The following MAPK6 variants were observed in gnomAD, a reference collection of about 807,000 sequenced individuals.
MAPK6 encodes the protein mitogen-activated protein kinase 6.
A neutral mutation model predicts 59.3 loss-of-function variants in MAPK6; 19 were observed. The ratio of observed to expected loss-of-function variants is 0.32; its 90% CI spans 0.22 to 0.47. The LOEUF (loss-of-function observed/expected upper bound fraction) is 0.47. MAPK6 is among the 20% of genes least tolerant of loss of function. MAPK6 has a pLI of 1.00. For missense variants in MAPK6, 724 were observed against 847.9 expected (o/e 0.85, Z 1.81); for synonymous variants, 316 against 290.3 (o/e 1.09, Z -0.90).
intron 3 of MAPK6, among the ~76,000 whole-genome samples, chr15:52,007,847 CTT>C (rs71425727): frequency 2.9e-5 from 4 of 139,800 alleles, no homozygotes; most frequent in Non-Finnish European, 4.7e-5. Context: ...TATTTCACCT[CTT>C]TTTTTTTTTT....
At chr15:51,972,442 T>C (rs1158714809) in intron 1 of MAPK6, among the ~76,000 whole-genome samples, 2 of 116,616 alleles carry the variant, frequency 1.7e-5, no homozygotes, top group Non-Finnish European at 3.7e-5. Flanking sequence ...TTTACTGTAT[T>C]CTTACTAATA....
chr15:52,060,536 C>T (rs2032159596), intron 4 of MAPK6, among the ~76,000 whole-genome samples: 1 of 152,072 alleles, frequency 6.6e-6, no homozygotes, highest in Non-Finnish European at 1.5e-5. Context: ...TTTGTGTGGC[C>T]AGGGAGCAGA....
Position 52,061,360 on chromosome 15 carries a change from A to C in MAPK6, c.927A>C (p.Glu309Asp). ...CCATGGATCGGTTAACAGCAGAAGA[A>C]GCACTCTCCCATCCTTACATGAGCA... ...FSPMDRLTAE[E>D]ALSHPYMSIY... The change falls in exon 5 of 6, where the codon GAA becomes GAC. Residue 309 changes from glutamate (E) to aspartate (D), a missense_variant. Transcript: ENST00000261845. 6.2e-7 allele frequency: 1 copy of C among 1,614,152 alleles called. No homozygotes were observed. Among genetic ancestry groups the C allele is most frequent in the Non-Finnish European group, 8.5e-7 (1 of 1,179,988 alleles).
intron 1 of MAPK6, among the ~76,000 whole-genome samples, chr15:52,025,218 G>A (rs1157848531): frequency 6.6e-6 from 1 of 152,076 alleles, no homozygotes; most frequent in Non-Finnish European, 1.5e-5. Context: ...TCCAGCCTGG[G>A]CAACAGCAAG....
Position 52,046,999 on chromosome 15 carries a change from C to T in MAPK6, c.539C>T (p.Pro180Leu). Residue 180 changes from proline to leucine, a missense_variant, in exon 2 of 6, where the codon CCT (proline) becomes CTT (leucine). Around this residue, in one of 4 missense-constraint regions of MAPK6, gnomAD observed 105 missense variants for 191.9 expected, o/e 0.55. Transcript: ENST00000261845. ...GDFGLARIMDPHYSHKGHLSE... is the reference protein window; with the variant it reads ...GDFGLARIMDLHYSHKGHLSE... ...TTTGGTCTTGCACGGATCATGGATC[C>T]TCATTATTCCCATAAGGTATGTATA... is the stretch of plus-strand genomic sequence containing the variant. 6.4e-7 allele frequency: 1 copy of T among 1,569,900 alleles called. No individual in the cohort carries two copies. The highest frequency in any genetic ancestry group is 8.6e-7 in the Non-Finnish European group (1 of 1,160,388).
chr15:52,022,780 T>C (rs193055588), intron 1 of MAPK6, among the ~76,000 whole-genome samples: 1 of 152,140 alleles, frequency 6.6e-6, no homozygotes, highest in Admixed American at 6.5e-5. Flanking sequence ...TGTTTTCAAA[T>C]ATAGGTAATT....
At chr15:52,037,525 C>T (rs993179667) in intron 1 of MAPK6, among the ~76,000 whole-genome samples, 5 of 152,148 alleles carry the variant, frequency 3.3e-5, no homozygotes, top group African/African-American at 1.2e-4. Flanking sequence ...ATATAGGATG[C>T]TATTTCAGTG....
chr15:52,059,851 C>G (rs866734058), intron 4 of MAPK6, among the ~76,000 whole-genome samples: 1 of 152,182 alleles, frequency 6.6e-6, no homozygotes, highest in Non-Finnish European at 1.5e-5. Context: ...CTCCATACTA[C>G]TTTCTTCTTA....
chr15:51,980,313 A>T (rs1022720948), intron 1 of MAPK6, among the ~76,000 whole-genome samples: 1 of 151,286 alleles, frequency 6.6e-6, no homozygotes, highest in Non-Finnish European at 1.5e-5. Context: ...AAAGAAAAAA[A>T]AATGTGGATA....
chr15:52,010,539 G>A, intron 3 of MAPK6, among the ~76,000 whole-genome samples: 1 of 108,852 alleles, frequency 9.2e-6, no homozygotes, highest in African/African-American at 3.7e-5. Flanking sequence ...TTTTTTTTGA[G>A]ACAGAGTTTC....
chr15:51,995,502 T>C (rs1433765963), intron 2 of MAPK6, among the ~76,000 whole-genome samples: 1 of 152,224 alleles, frequency 6.6e-6, no homozygotes, highest in Non-Finnish European at 1.5e-5. Context: ...CTTCTTCATA[T>C]ACGTTTGAGT....
At chr15:52,041,976 C>T (rs2031436008) in intron 1 of MAPK6, among the ~76,000 whole-genome samples, 1 of 152,258 alleles carries the variant, frequency 6.6e-6, no homozygotes, top group African/African-American at 2.4e-5. Flanking sequence ...TCTCTTTACT[C>T]ACCATTTTAT....
chr15:52,015,414 T>C (rs1221619869), upstream of MAPK6, among the ~76,000 whole-genome samples: 1 of 152,008 alleles, frequency 6.6e-6, no homozygotes, highest in Non-Finnish European at 1.5e-5. Flanking sequence ...CCCAGAGTAC[T>C]GGGATTACAG....
At chr15:51,973,674 CAG>C (rs1595954237) in intron 1 of MAPK6, among the ~76,000 whole-genome samples, 1 of 150,794 alleles carries the variant, frequency 6.6e-6, no homozygotes, top group East Asian at 1.9e-4. Flanking sequence ...TTTTTTTAAA[CAG>C]AGTTTCGCTC....
intron 2 of MAPK6, among the ~76,000 whole-genome samples, chr15:51,987,484 A>C (rs2057194454): frequency 6.6e-6 from 1 of 152,072 alleles, no homozygotes; most frequent in African/African-American, 2.4e-5. Context: ...GTGCACCTGT[A>C]GTTCCAGCTA....
intron 2 of MAPK6, among the ~76,000 whole-genome samples, chr15:51,998,785 G>A (rs1191676642): frequency 2.8e-5 from 4 of 141,150 alleles, no homozygotes; most frequent in Admixed American, 1.5e-4. Context: ...CCGCCTCCTG[G>A]GTTCACGCCA....
chr15:52,065,752 TTTTC>T lies in MAPK6; in HGVS notation c.*753_*756del. 7.7e-6 allele frequency: 1 copy of T among 129,610 alleles called. No individual in the cohort carries two copies. Among genetic ancestry groups the T allele is most frequent in the Non-Finnish European group, 1.7e-5 (1 of 58,194 alleles). The allele number at this position is 129,610 out of a possible 1,614,324, so 8.0% of individuals were successfully genotyped here. Reference sequence around the variant, plus strand: ...AATTTATTTGCAAATATACTTTACTTTTTCCATTTGGCACTATGGTTTGTTGCCT... The same window carrying T: ...AATTTATTTGCAAATATACTTTACTTCATTTGGCACTATGGTTTGTTGCCT... On this transcript the variant is annotated 3_prime_UTR_variant, in exon 6 of 6. Transcript: ENST00000261845.
Position 52,050,145 on chromosome 15 carries a change from T to G in MAPK6, c.700+8T>G. ...GTAAAACCCTTTTTGCAGGTTAGTA[T>G]TTTGTGGGGGGAAAAATTTTCCCAA... is the stretch of plus-strand genomic sequence containing the variant. On this transcript the variant is annotated splice_region_variant and intron_variant, in intron 3 of 5. Transcript: ENST00000261845. 1 of 1,590,098 alleles carries G rather than the reference T, an allele frequency of 6.3e-7. No individual in the cohort carries two copies. Among genetic ancestry groups the G allele is most frequent in the South Asian group, 1.2e-5 (1 of 85,382 alleles).
chr15:52,030,665 C>T, intron 1 of MAPK6, among the ~76,000 whole-genome samples: 1 of 135,116 alleles, frequency 7.4e-6, no homozygotes, highest in African/African-American at 2.9e-5. Context: ...ACTCTGTTGC[C>T]CAGGATGAAG....
Sources: gnomAD v4.1 joint callset for allele counts (sites outside exome capture counted in the v4.1 genomes callset) on GRCh38, gnomAD v4.1.1 for gene constraint, gnomAD v4.1.1 regional missense constraint, MANE v1.5 for transcripts, NCBI Gene and HGNC (gene_info 2026-07-23, HGNC 2026-07-21) for gene names.